LRP12: variants seen among roughly 807,000 people sequenced by gnomAD.
LRP12 encodes low-density lipoprotein receptor-related protein 12.
LRP12 carries 14 observed loss-of-function variants against 66.0 expected under a neutral mutation model. That is an observed-to-expected ratio of 0.21 (90% CI 0.14 to 0.33). The LOEUF is 0.33. LRP12 is among the 10% of genes least tolerant of loss of function. The probability of loss-of-function intolerance (pLI) is 1.00; values close to 1 mark genes in which losing one functional copy is unlikely to be tolerated. For missense variants in LRP12, 889 were observed against 1,053.4 expected, an observed-to-expected ratio of 0.84 and a Z score of 2.16; for synonymous variants, 357 against 359.1, an observed-to-expected ratio of 0.99 and a Z score of 0.07.
At chr8:104,555,071 T>G (rs576439546) in intron 1 of LRP12, among the ~76,000 whole-genome samples, 22 of 152,308 alleles carry the variant, frequency 1.4e-4, no homozygotes, top group African/African-American at 5.1e-4. Context: ...AAACAAATGC[T>G]GAGAGAATTT....
intron 6 of LRP12, 55 bp downstream of exon 6, chr8:104,495,022 G>A (rs1280656077): frequency 1.3e-6 from 2 of 1,545,208 alleles, no homozygotes; most frequent in African/African-American, 2.7e-5. Context: ...CATATATACA[G>A]GCGCAGATTT....
intron 3 of LRP12, among the ~76,000 whole-genome samples, chr8:104,503,524 A>G (rs1810862662): frequency 6.6e-6 from 1 of 152,058 alleles, no homozygotes; most frequent in Admixed American, 6.5e-5. Context: ...CACTGTTGAC[A>G]TATTTGTGCT....
At chr8:104,558,123 T>C (rs140736642) in intron 1 of LRP12, among the ~76,000 whole-genome samples, 16 of 152,250 alleles carry the variant, frequency 1.1e-4, no homozygotes, top group African/African-American at 3.4e-4. Context: ...GGCAGAAGAA[T>C]TGTTTGAACC....
chr8:104,580,462 G>A lies in LRP12; in HGVS notation c.79+8357C>T, dbSNP rs561898001. Among the ~76,000 whole-genome samples, 30 of 151,846 alleles carry A rather than the reference G, an allele frequency of 2.0e-4. No homozygotes were observed. The South Asian group carries it at 4.8e-3, about 24-fold the overall frequency. On this transcript the variant is annotated intron_variant, in intron 1 of 6. Transcript: ENST00000276654. ...GGAGAATGGCATGAACCCGCGAGGC[G>A]GGGCTTGCAGAGAGCCAAGATTGTG...
At chr8:104,496,622 A>C (rs1810731478) in intron 5 of LRP12, among the ~76,000 whole-genome samples, 1 of 152,164 alleles carries the variant, frequency 6.6e-6, no homozygotes, top group Non-Finnish European at 1.5e-5. Flanking sequence ...GTATGCTTTG[A>C]ACATAGCATA....
intron 2 of LRP12, 50 bp from the exon 3 acceptor site, chr8:104,509,124 T>C (rs760869080): frequency 2.6e-6 from 4 of 1,545,152 alleles, no homozygotes; most frequent in Non-Finnish European, 3.5e-6. Flanking sequence ...ATTTAAATGG[T>C]ATTAGGTAAA....
At chr8:104,533,351 T>C (rs1811353462) in intron 1 of LRP12, among the ~76,000 whole-genome samples, 1 of 152,020 alleles carries the variant, frequency 6.6e-6, no homozygotes, top group Non-Finnish European at 1.5e-5. Flanking sequence ...TGAAACTGAT[T>C]CAATAAAACA....
At chr8:104,544,713 C>T (rs914971553) in intron 1 of LRP12, among the ~76,000 whole-genome samples, 2 of 152,144 alleles carry the variant, frequency 1.3e-5, no homozygotes, top group African/African-American at 2.4e-5. Flanking sequence ...TTTAAGCCCA[C>T]TCTTGAGACC....
At chr8:104,575,595 A>C (rs1237795996) in intron 1 of LRP12, among the ~76,000 whole-genome samples, 6 of 152,046 alleles carry the variant, frequency 3.9e-5, no homozygotes. Context: ...CGAAGTTATC[A>C]AATAGGATAA....
At chr8:104,522,917 G>A (rs1811173610) in intron 2 of LRP12, among the ~76,000 whole-genome samples, 1 of 152,040 alleles carries the variant, frequency 6.6e-6, no homozygotes. Flanking sequence ...AAGAAAAAAA[G>A]TTAAGCAAGA....
Position 104,548,189 on chromosome 8 carries a change from TATATA to T in LRP12, c.80-16231_80-16227del, listed in dbSNP as rs376686859. 6.5e-3 allele frequency among the ~76,000 whole-genome samples: 591 copies of T among 91,538 alleles called. 25 individuals carry two copies. The highest frequency in any genetic ancestry group is 0.021 in the African/African-American group (341 of 15,952). 60.1% of individuals were successfully genotyped at this position (91,538 alleles called of 152,430 possible). A position where few individuals can be genotyped will look rare whatever the true frequency, so the allele number is the denominator to read the frequency against. ...TATATATAATATAATATATAATATA[TATATA>T]AATATATGATATATTTATATTAATA... On this transcript the variant is annotated intron_variant, in intron 1 of 6. Transcript: ENST00000276654.
At chr8:104,547,285 G>A (rs1163713381) in intron 1 of LRP12, among the ~76,000 whole-genome samples, 1 of 134,040 alleles carries the variant, frequency 7.5e-6, no homozygotes, top group Non-Finnish European at 1.5e-5. Flanking sequence ...ATACAATTCT[G>A]TTATATCATA....
chr8:104,570,738 C>A (rs759516014), intron 1 of LRP12, among the ~76,000 whole-genome samples: 1 of 151,856 alleles, frequency 6.6e-6, no homozygotes, highest in Non-Finnish European at 1.5e-5. Context: ...AGAAATGACA[C>A]AAAAAACAAC....
At chr8:104,525,702 A>G (rs1007299905) in intron 2 of LRP12, among the ~76,000 whole-genome samples, 5 of 152,190 alleles carry the variant, frequency 3.3e-5, no homozygotes, top group Non-Finnish European at 5.9e-5. Context: ...TATAAGAGCT[A>G]TGACAAACCC....
chr8:104,564,108 A>G (rs1189132697), intron 1 of LRP12, among the ~76,000 whole-genome samples: 1 of 149,798 alleles, frequency 6.7e-6, no homozygotes, highest in East Asian at 2.0e-4. Context: ...TTTCTACTTT[A>G]CAATTTTGGT....
intron 2 of LRP12, among the ~76,000 whole-genome samples, chr8:104,523,682 C>T (rs1421990291): frequency 6.6e-6 from 1 of 152,142 alleles, no homozygotes; most frequent in Non-Finnish European, 1.5e-5. Context: ...AATAACACCA[C>T]TGGATCCATA....
Position 104,497,820 on chromosome 8 carries a change from G to T in LRP12, c.732C>A (p.Asp244Glu). 3 of 1,614,206 alleles carry T rather than the reference G, an allele frequency of 1.9e-6. No homozygotes were observed. The highest frequency in any genetic ancestry group is 2.5e-6 in the Non-Finnish European group (3 of 1,180,040). ...CTATCTCATCTCCTAGGTCAAGGCA[G>T]TCAATGTTCCCATCACATTTTAAAG... The part of the protein sequence containing the change: ...PESLKCDGNI[D>E]CLDLGDEIDC... Residue 244 changes from aspartate (D) to glutamate (E), a missense_variant, in exon 5 of 7, where the codon GAC becomes GAA. Around this residue, in one of 3 missense-constraint regions of LRP12, gnomAD observed 800 missense variants for 964.5 expected, o/e 0.83. Transcript: ENST00000276654. This position sits in a 1 kb window ranked among gnomAD's most constrained non-coding sequence, Gnocchi z 4.3.
At chr8:104,580,781 T>G (rs766374506) in intron 1 of LRP12, among the ~76,000 whole-genome samples, 4 of 151,914 alleles carry the variant, frequency 2.6e-5, no homozygotes, top group African/African-American at 9.7e-5. Context: ...GTCAAAAAAA[T>G]AACAAATGCT....
intron 2 of LRP12, among the ~76,000 whole-genome samples, chr8:104,520,248 A>G (rs1197004156): frequency 2.6e-5 from 4 of 152,030 alleles, no homozygotes; most frequent in Non-Finnish European, 5.9e-5. Flanking sequence ...TGCCTTTTTT[A>G]AAGGGCTTAT....
Sources: gnomAD v4.1 joint callset for allele counts (sites outside exome capture counted in the v4.1 genomes callset) on GRCh38, gnomAD v4.1.1 for gene constraint, gnomAD v4.1.1 regional missense constraint, Gnocchi (gnomAD v3.1) non-coding constraint, MANE v1.5 for transcripts, NCBI Gene and HGNC (gene_info 2026-07-23, HGNC 2026-07-21) for gene names.